PCDH11X: variants seen among roughly 807,000 people sequenced by gnomAD.
PCDH11X encodes protocadherin-11 X-linked.
Under a neutral mutation model 53.3 loss-of-function variants are expected in PCDH11X, and 18 were observed. The ratio of observed to expected loss-of-function variants is 0.34; its 90% CI spans 0.23 to 0.50. PCDH11X has a LOEUF of 0.50. Among genes scored for constraint, PCDH11X ranks in the 20% least tolerant of loss-of-function variants. PCDH11X has a pLI of 0.98. For synonymous variants in PCDH11X, 279 were observed against 393.3 expected (o/e 0.71, Z 3.44); for missense variants, 570 against 1,032.4 (o/e 0.55, Z 6.14).
At chrX:92,373,382 G>T (rs2070669284) in intron 8 of PCDH11X, among the ~76,000 whole-genome samples, 1 of 111,283 alleles carries the variant, frequency 9.0e-6, no homozygotes, top group Admixed American at 9.6e-5. Flanking sequence ...TCAATTTTCT[G>T]TCCTCGAAGA....
At chrX:92,282,878 C>T (rs1194840226) in intron 8 of PCDH11X, among the ~76,000 whole-genome samples, 1 of 111,187 alleles carries the variant, frequency 9.0e-6, no homozygotes, top group African/African-American at 3.3e-5. Context: ...GGCACTATTT[C>T]ACAAAATTTA....
chrX:92,348,932 C>T (rs2069974693), intron 8 of PCDH11X, among the ~76,000 whole-genome samples: 3 of 103,252 alleles, frequency 2.9e-5, no homozygotes, highest in African/African-American at 1.1e-4. Context: ...TCTGCACTTA[C>T]TTTCTAAATG....
intron 5 of PCDH11X, among the ~76,000 whole-genome samples, chrX:91,872,141 C>T (rs1274135784): frequency 1.8e-5 from 2 of 110,032 alleles, no homozygotes; most frequent in South Asian, 7.7e-4. Context: ...TTCAATAATG[C>T]ACTGGCTACA....
rs772929811 is a variant in PCDH11X at position 92,289,741 on chromosome X, T to G, written c.3144+26598T>G. On this transcript the variant is annotated intron_variant, in intron 8 of 10. Transcript: ENST00000682573. ...TGTTTTTACTGTGTAGACTCAGTAA[T>G]AGTAGGAACAATATTGCCTAAAAGC... Among the ~76,000 whole-genome samples the G allele has an allele frequency of 1.2e-4, 13 of 111,011 alleles. No homozygotes were observed. In the East Asian group the frequency reaches 3.2e-3, roughly 27 times the overall value.
intron 6 of PCDH11X, among the ~76,000 whole-genome samples, chrX:91,925,366 T>C (rs1354310853): frequency 7.2e-5 from 8 of 111,354 alleles, no homozygotes; most frequent in Non-Finnish European, 1.5e-4. Context: ...ACTGAATGTG[T>C]ATCAATTTGT....
intron 6 of PCDH11X, among the ~76,000 whole-genome samples, chrX:91,972,992 T>A (rs200296303): frequency 6.5e-5 from 7 of 107,584 alleles, no homozygotes; most frequent in Admixed American, 4.0e-4. Flanking sequence ...TGCACACGTA[T>A]GTTTATTGTG....
chrX:91,974,913 C>T (rs746347613), intron 6 of PCDH11X, among the ~76,000 whole-genome samples: 72 of 110,061 alleles, frequency 6.5e-4, no homozygotes, highest in African/African-American at 2.0e-3. Flanking sequence ...CCACCATGCC[C>T]GGCTAATTTT....
At chrX:92,553,401 T>G (rs993332847) in intron 10 of PCDH11X, among the ~76,000 whole-genome samples, 1 of 109,936 alleles carries the variant, frequency 9.1e-6, no homozygotes, top group Non-Finnish European at 1.9e-5. Flanking sequence ...CCCTTTGAAT[T>G]TCTTGCAGCA....
chrX:92,329,787 A>C (rs1243148014), intron 8 of PCDH11X, among the ~76,000 whole-genome samples: 1 of 111,193 alleles, frequency 9.0e-6, no homozygotes, highest in African/African-American at 3.3e-5. Context: ...AAACAATTGA[A>C]CTCATGGAGA....
At chrX:92,482,444 C>A (rs1366992878) in intron 10 of PCDH11X, among the ~76,000 whole-genome samples, 3 of 110,240 alleles carry the variant, frequency 2.7e-5, no homozygotes, top group Non-Finnish European at 5.7e-5. Flanking sequence ...GTGCATAATT[C>A]TGTTCTTTTA....
chrX:92,388,607 A>G (rs1206376932), intron 9 of PCDH11X, among the ~76,000 whole-genome samples: 2 of 109,729 alleles, frequency 1.8e-5, no homozygotes, highest in Admixed American at 2.0e-4. Flanking sequence ...CTGATTTATA[A>G]TTTCAGGAAA....
rs764052368 is a variant in PCDH11X, at chrX:92,181,751, G to A, written c.3034-19624G>A. Reference sequence around the variant, plus strand: ...TAAGCCTTGGCACCTTCCACATGGTGTTGAACCTATAGGTGCACAAAAGTC... The same window carrying A: ...TAAGCCTTGGCACCTTCCACATGGTATTGAACCTATAGGTGCACAAAAGTC... On this transcript the variant is annotated intron_variant, in intron 6 of 10. Transcript: ENST00000682573. Among the ~76,000 whole-genome samples, 32 of 112,648 alleles carry A rather than the reference G, an allele frequency of 2.8e-4. No individual in the cohort carries two copies. In the East Asian group the frequency reaches 8.7e-3, roughly 31 times the overall value.
chrX:91,908,153 A>G (rs1238677286), intron 6 of PCDH11X, among the ~76,000 whole-genome samples: 1 of 112,003 alleles, frequency 8.9e-6, no homozygotes, highest in East Asian at 2.8e-4. Context: ...ATTGCTACAG[A>G]AGCAAAAATC....
chrX:92,236,304 A>AT (rs201497320), intron 7 of PCDH11X, among the ~76,000 whole-genome samples: 1 of 111,382 alleles, frequency 9.0e-6, no homozygotes, highest in Non-Finnish European at 1.9e-5. Context: ...AGGGAAGCAG[A>AT]TTTTTTTAAT....
chrX:91,792,052 G>T (rs1472505033), intron 1 of PCDH11X, among the ~76,000 whole-genome samples: 7 of 107,826 alleles, frequency 6.5e-5, no homozygotes, highest in African/African-American at 2.4e-4. Context: ...TAGTAGAGAG[G>T]GGGTTTCACC....
intron 6 of PCDH11X, chrX:91,883,180 C>T (rs1447700229): frequency 1.1e-6 from 1 of 937,758 alleles, no homozygotes; most frequent in Non-Finnish European, 1.3e-6. Context: ...TAACAGAGTA[C>T]TCTCATGCTG....
At chrX:92,080,560 G>A (rs1373133315) in intron 6 of PCDH11X, among the ~76,000 whole-genome samples, 2 of 110,931 alleles carry the variant, frequency 1.8e-5, no homozygotes, top group Non-Finnish European at 3.8e-5. Context: ...AGGAGCAACT[G>A]CTGGATATAG....
chrX:92,092,840 C>T (rs749352054), intron 6 of PCDH11X, among the ~76,000 whole-genome samples: 1 of 111,594 alleles, frequency 9.0e-6, no homozygotes, highest in Non-Finnish European at 1.9e-5. Flanking sequence ...GCCCAAATCT[C>T]ATGTCCAATT....
At chrX:92,001,636 A>C (rs1325251831) in intron 6 of PCDH11X, among the ~76,000 whole-genome samples, 2 of 107,545 alleles carry the variant, frequency 1.9e-5, no homozygotes, top group African/African-American at 3.4e-5. Context: ...GCCTAGCTAA[A>C]TTTGTGTTTT....
Sources: gnomAD v4.1 joint callset for allele counts (sites outside exome capture counted in the v4.1 genomes callset) on GRCh38, gnomAD v4.1.1 for gene constraint, MANE v1.5 for transcripts, NCBI Gene and HGNC (gene_info 2026-07-23, HGNC 2026-07-21) for gene names.